Variants in RB1 observed in about 807,000 individuals in gnomAD.
RB1 encodes RB transcriptional corepressor 1.
RB1 carries 18 observed loss-of-function variants against 135.4 expected under a neutral mutation model. That is an observed-to-expected ratio of 0.13 (90% CI 0.09 to 0.20). The LOEUF is 0.20. Among genes scored for constraint, RB1 ranks in the 10% least tolerant of loss-of-function variants. RB1 has a pLI of 1.00. For missense variants in RB1, 868 were observed against 1,110.0 expected, an observed-to-expected ratio of 0.78 and a Z score of 3.10; for synonymous variants, 365 against 373.2, an observed-to-expected ratio of 0.98 and a Z score of 0.25.
chr13:48,312,646 G>C (rs957601192), intron 2 of RB1, among the ~76,000 whole-genome samples: 2 of 152,182 alleles, frequency 1.3e-5, no homozygotes, highest in South Asian at 4.1e-4. Flanking sequence ...TCAGTCTCAA[G>C]TTATCTTTTT....
intron 17 of RB1, among the ~76,000 whole-genome samples, chr13:48,442,259 G>A (rs1228559726): frequency 1.3e-5 from 2 of 151,250 alleles, no homozygotes; most frequent in Non-Finnish European, 2.9e-5. Context: ...GGAGTGCAGT[G>A]GCACCATCTC....
Position 48,324,720 on chromosome 13 carries a change from T to C in RB1, c.264+17314T>C, listed in dbSNP as rs545935668. Among the ~76,000 whole-genome samples the C allele has an allele frequency of 7.9e-4, 120 of 152,326 alleles. 2 individuals are homozygous for C. The highest frequency in any genetic ancestry group is 2.8e-3 in the African/African-American group (116 of 41,574). ...ATACTGTTTTTATTTCTTTTGGATA[T>C]ATACCCAGTGGTGGGATTGCTGTAT... On this transcript the variant is annotated intron_variant, in intron 2 of 26. Coordinates refer to ENST00000267163, the MANE Select transcript of RB1 (RefSeq NM_000321.3).
intron 17 of RB1, among the ~76,000 whole-genome samples, chr13:48,396,988 G>T (rs183295281): frequency 6.6e-6 from 1 of 152,158 alleles, no homozygotes; most frequent in African/African-American, 2.4e-5. Context: ...TAAAAAGTCA[G>T]GAAACAACAG....
At chr13:48,336,002 G>A (rs1045068323) in intron 2 of RB1, among the ~76,000 whole-genome samples, 12 of 151,910 alleles carry the variant, frequency 7.9e-5, no homozygotes, top group African/African-American at 2.9e-4. Flanking sequence ...AGAGAATGAG[G>A]ATGTGAGGGC....
chr13:48,398,393 G>C (rs1227467247), intron 17 of RB1, among the ~76,000 whole-genome samples: 1 of 151,970 alleles, frequency 6.6e-6, no homozygotes, highest in Admixed American at 6.6e-5. Flanking sequence ...AAATTATTTA[G>C]CTTGTTCTAA....
chr13:48,403,784 A>C (rs1005750312), intron 17 of RB1, among the ~76,000 whole-genome samples: 2 of 152,056 alleles, frequency 1.3e-5, no homozygotes, highest in East Asian at 3.9e-4. Flanking sequence ...TGGGTACTAC[A>C]CTTTGTGAGC....
At chr13:48,389,212 GGAGA>G in intron 17 of RB1, among the ~76,000 whole-genome samples, 1 of 151,662 alleles carries the variant, frequency 6.6e-6, no homozygotes, top group East Asian at 1.9e-4. Flanking sequence ...AAAAGGAAAA[GGAGA>G]GAGAGAACAT....
chr13:48,409,334 A>G (rs1948769250), intron 17 of RB1, among the ~76,000 whole-genome samples: 1 of 151,648 alleles, frequency 6.6e-6, no homozygotes. Context: ...ATTTTATTGA[A>G]AATGGGTTTA....
At chr13:48,335,664 GGT>G (rs2138074249) in intron 2 of RB1, among the ~76,000 whole-genome samples, 1 of 149,174 alleles carries the variant, frequency 6.7e-6, no homozygotes, top group South Asian at 2.1e-4. Flanking sequence ...TTCTTTTTTT[GGT>G]GTGTGTGGGG....
intron 17 of RB1, among the ~76,000 whole-genome samples, chr13:48,396,616 G>A (rs1415329884): frequency 6.6e-6 from 1 of 152,190 alleles, no homozygotes; most frequent in Non-Finnish European, 1.5e-5. Context: ...AACACCAAAA[G>A]CAATGGCAAC....
intron 5 of RB1, among the ~76,000 whole-genome samples, chr13:48,348,688 T>C (rs1952519715): frequency 6.6e-6 from 1 of 151,474 alleles, no homozygotes; most frequent in South Asian, 2.1e-4. Context: ...TAATTTTTTT[T>C]TTTGCAGCTT....
At position 48,373,399 on chromosome 13, in the gene RB1, C is replaced by T. The variant is rs1566196389; in HGVS notation, c.1128-6C>T. On this transcript the variant is annotated splice_region_variant and splice_polypyrimidine_tract_variant and intron_variant, in intron 11 of 26. Transcript: ENST00000267163. Reference sequence around the variant, plus strand: ...TAACACATTTTCCTATTTTTATCCCCTCTAGGACTGTTATGAACACTATCC... The same window carrying T: ...TAACACATTTTCCTATTTTTATCCCTTCTAGGACTGTTATGAACACTATCC... 4 of 1,549,768 alleles carry T rather than the reference C, an allele frequency of 2.6e-6. No individual in the cohort carries two copies. In the Admixed American group the frequency reaches 5.0e-5, roughly 19 times the overall value.
At chr13:48,425,676 G>C (rs1311680216) in intron 17 of RB1, among the ~76,000 whole-genome samples, 1 of 151,104 alleles carries the variant, frequency 6.6e-6, no homozygotes, top group Non-Finnish European at 1.5e-5. Flanking sequence ...AATATAGAGA[G>C]TCCTCAACTC....
chr13:48,312,736 C>CT lies in RB1; in HGVS notation c.264+5335dup, dbSNP rs374828672. Among the ~76,000 whole-genome samples the CT allele has an allele frequency of 7.0e-3, 1,061 of 152,108 alleles. 20 individuals carry two copies. The highest frequency in any genetic ancestry group is 0.023 in the African/African-American group (960 of 41,510). On this transcript the variant is annotated intron_variant, in intron 2 of 26. Transcript: ENST00000267163. ...TACTGTTTGCTTTGGTTTTAATTTC[C>CT]TTTTTATTTTTTTAATTTCAGAAGG...
chr13:48,427,102 C>T (rs1270024459), intron 17 of RB1, among the ~76,000 whole-genome samples: 1 of 152,212 alleles, frequency 6.6e-6, no homozygotes, highest in South Asian at 2.1e-4. Flanking sequence ...GAGGGATCCA[C>T]CCCCCTGATG....
At chr13:48,381,523 C>A (rs866222792) in intron 17 of RB1, 80 bp downstream of exon 17, 1 of 1,283,668 alleles carries the variant, frequency 7.8e-7, no homozygotes, top group Non-Finnish European at 1.1e-6. Flanking sequence ...TGTTTCTTAA[C>A]ATCTACCTCA....
At chr13:48,372,627 G>T (rs1437061528) in intron 11 of RB1, among the ~76,000 whole-genome samples, 1 of 151,768 alleles carries the variant, frequency 6.6e-6, no homozygotes, top group Non-Finnish European at 1.5e-5. Context: ...CTCCAGCCTG[G>T]GCGACAGAGC....
At chr13:48,403,111 G>A (rs1323999512) in intron 17 of RB1, among the ~76,000 whole-genome samples, 2 of 152,146 alleles carry the variant, frequency 1.3e-5, no homozygotes, top group South Asian at 2.1e-4. Context: ...TGAAGGTTAT[G>A]TTGTTAGTAA....
chr13:48,367,395 T>C (rs933547055), intron 9 of RB1, 99 bp from the exon 10 acceptor site: 1 of 1,290,342 alleles, frequency 7.7e-7, no homozygotes, highest in Non-Finnish European at 1.1e-6. Context: ...AAATTAAATG[T>C]ATATTATACA....
Sources: allele counts gnomAD v4.1 joint callset (sites outside exome capture counted in the v4.1 genomes callset), GRCh38; gene constraint gnomAD v4.1.1; transcripts MANE v1.5; gene names NCBI Gene and HGNC (gene_info 2026-07-23, HGNC 2026-07-21).